The following TMEM135 variants were observed in gnomAD, a reference collection of about 807,000 sequenced individuals.
TMEM135 encodes peroxisomal membrane protein 52.
Under a neutral mutation model 60.3 loss-of-function variants are expected in TMEM135, and 30 were observed. The ratio of observed to expected loss-of-function variants is 0.50; its 90% confidence interval spans 0.37 to 0.68. The LOEUF (loss-of-function observed/expected upper bound fraction) is 0.68, where lower values mean the gene tolerates loss of function less well. TMEM135 is among the 30% of genes least tolerant of loss of function. TMEM135 has a pLI of 0.00. For synonymous variants in TMEM135, 190 were observed against 186.7 expected, an observed-to-expected ratio of 1.02 and a Z score of -0.14; for missense variants, 468 against 548.8, an observed-to-expected ratio of 0.85 and a Z score of 1.47.
At chr11:87,192,689 A>AT (rs1939838721) in intron 5 of TMEM135, among the ~76,000 whole-genome samples, 1 of 152,218 alleles carries the variant, frequency 6.6e-6, no homozygotes, top group South Asian at 2.1e-4. Flanking sequence ...TGATAAAACA[A>AT]TTTGAATTTT....
At chr11:87,196,419 T>C (rs796276169) in intron 5 of TMEM135, among the ~76,000 whole-genome samples, 20 of 152,248 alleles carry the variant, frequency 1.3e-4, no homozygotes, top group African/African-American at 4.8e-4. Flanking sequence ...TTGGCACAGA[T>C]GCTGAGGAAA....
At chr11:87,062,291 A>G (rs1358865653) in intron 1 of TMEM135, among the ~76,000 whole-genome samples, 1 of 150,652 alleles carries the variant, frequency 6.6e-6, no homozygotes, top group Non-Finnish European at 1.5e-5. Context: ...GGCGTGATCC[A>G]CTGCATCTAG....
chr11:87,280,776 T>C (rs1328862503), intron 6 of TMEM135, among the ~76,000 whole-genome samples: 1 of 152,238 alleles, frequency 6.6e-6, no homozygotes, highest in Non-Finnish European at 1.5e-5. Context: ...TTGTCAACTC[T>C]TTATAAATAC....
At chr11:87,271,027 A>G (rs962135701) in intron 6 of TMEM135, among the ~76,000 whole-genome samples, 3 of 152,154 alleles carry the variant, frequency 2.0e-5, no homozygotes, top group Non-Finnish European at 4.4e-5. Context: ...CGAATAAATC[A>G]TAATTCATTT....
intron 5 of TMEM135, among the ~76,000 whole-genome samples, chr11:87,229,324 C>A (rs1200187677): frequency 6.6e-6 from 1 of 151,808 alleles, no homozygotes; most frequent in East Asian, 1.9e-4. Flanking sequence ...AACCAACCAG[C>A]CAACCAAAAA....
intron 4 of TMEM135, among the ~76,000 whole-genome samples, chr11:87,148,335 A>G (rs1256285621): frequency 6.6e-6 from 1 of 152,234 alleles, no homozygotes; most frequent in Non-Finnish European, 1.5e-5. Context: ...GTGCTTTCCC[A>G]TAGAAACAAA....
At chr11:87,157,462 A>T in intron 5 of TMEM135, 56 bp downstream of exon 5, 1 of 1,413,044 alleles carries the variant, frequency 7.1e-7, no homozygotes. Flanking sequence ...TTGCGATTTT[A>T]AAATATAAAA....
chr11:87,078,563 G>A (rs1856920136), intron 3 of TMEM135, among the ~76,000 whole-genome samples: 1 of 152,070 alleles, frequency 6.6e-6, no homozygotes, highest in African/African-American at 2.4e-5. Flanking sequence ...AAGCAGAAAA[G>A]TTTTTAATTT....
chr11:87,178,762 T>C (rs1469207980), intron 5 of TMEM135, among the ~76,000 whole-genome samples: 1 of 151,920 alleles, frequency 6.6e-6, no homozygotes, highest in Admixed American at 6.6e-5. Flanking sequence ...TATCAGTACT[T>C]TTTTTTTCCC....
intron 6 of TMEM135, among the ~76,000 whole-genome samples, chr11:87,285,128 A>G (rs1306898995): frequency 6.6e-6 from 1 of 152,240 alleles, no homozygotes; most frequent in Non-Finnish European, 1.5e-5. Context: ...TGGTAATCGT[A>G]TGATAAGCAA....
chr11:87,140,179 C>T (rs671781), intron 4 of TMEM135, among the ~76,000 whole-genome samples: 57,719 of 151,788 alleles, frequency 0.38, 11,471 homozygotes, highest in East Asian at 0.61. Context: ...GCAATTCTCC[C>T]GCCTCAGCCT....
At chr11:87,074,345 T>C (rs969874263) in intron 3 of TMEM135, among the ~76,000 whole-genome samples, 1 of 152,216 alleles carries the variant, frequency 6.6e-6, no homozygotes, top group Admixed American at 6.5e-5. Flanking sequence ...GTAAGAGTTA[T>C]ATATGTGTTA....
At chr11:87,081,524 A>G (rs563656416) in intron 3 of TMEM135, among the ~76,000 whole-genome samples, 1 of 152,188 alleles carries the variant, frequency 6.6e-6, no homozygotes, top group Non-Finnish European at 1.5e-5. Context: ...GAACGCTAAC[A>G]TTAGTTCAAA....
chr11:87,093,093 C>T lies in TMEM135; in HGVS notation c.396+1698C>T, dbSNP rs370501454. ...AGATACATGTTAAACATTGTTATGT[C>T]CCTCTTCATATTTTCTTAATCACTC... On this transcript the variant is annotated intron_variant, in intron 4 of 14. Transcript: ENST00000305494. Among the ~76,000 whole-genome samples the T allele has an allele frequency of 1.2e-3, 183 of 152,112 alleles. 1 individual carries two copies. The highest frequency in any genetic ancestry group is 4.2e-3 in the African/African-American group (174 of 41,506).
At chr11:87,302,921 C>A (rs548255381) in intron 8 of TMEM135, among the ~76,000 whole-genome samples, 157 of 152,258 alleles carry the variant, frequency 1.0e-3, no homozygotes, top group African/African-American at 3.7e-3. Context: ...AAGAAGCTAT[C>A]ATGTTTCATA....
chr11:87,061,089 A>G (rs551185177), intron 1 of TMEM135, among the ~76,000 whole-genome samples: 1 of 152,368 alleles, frequency 6.6e-6, no homozygotes, highest in African/African-American at 2.4e-5. Context: ...TTATGAAATT[A>G]AATGAGTTGA....
intron 6 of TMEM135, among the ~76,000 whole-genome samples, chr11:87,279,688 G>C (rs1168437959): frequency 6.6e-6 from 1 of 152,184 alleles, no homozygotes; most frequent in African/African-American, 2.4e-5. Flanking sequence ...TGTGGACATA[G>C]TGGTAATTAC....
chr11:87,218,128 G>A, intron 5 of TMEM135, among the ~76,000 whole-genome samples: 1 of 152,070 alleles, frequency 6.6e-6, no homozygotes, highest in Non-Finnish European at 1.5e-5. Context: ...GTAAAGGCCA[G>A]CGATGCTACT....
At chr11:87,140,403 T>C (rs1187183476) in intron 4 of TMEM135, among the ~76,000 whole-genome samples, 1 of 152,230 alleles carries the variant, frequency 6.6e-6, no homozygotes, top group Non-Finnish European at 1.5e-5. Flanking sequence ...TGGGCTATCA[T>C]GGGCAAACAA....
Sources: gnomAD v4.1 joint callset for allele counts (sites outside exome capture counted in the v4.1 genomes callset) on GRCh38, gnomAD v4.1.1 for gene constraint, MANE v1.5 for transcripts, NCBI Gene and HGNC (gene_info 2026-07-23, HGNC 2026-07-21) for gene names.